PAX5: variants seen among roughly 807,000 people sequenced by gnomAD.
PAX5 encodes the protein paired box protein Pax-5.
A neutral mutation model predicts 43.7 loss-of-function variants in PAX5; 9 were observed. The ratio of observed to expected loss-of-function variants is 0.21; its 90% CI spans 0.12 to 0.36. PAX5 has a LOEUF of 0.36. Among genes scored for constraint, PAX5 ranks in the 10% least tolerant of loss-of-function variants. The probability of loss-of-function intolerance (pLI) is 1.00; values close to 1 mark genes in which losing one functional copy is unlikely to be tolerated. For synonymous variants in PAX5, 228 were observed against 214.3 expected (o/e 1.06, Z -0.56); for missense variants, 383 against 532.7 (o/e 0.72, Z 2.77).
chr9:36,941,704 G>A (rs772302553), intron 6 of PAX5, among the ~76,000 whole-genome samples: 103 of 150,660 alleles, frequency 6.8e-4, no homozygotes, highest in Non-Finnish European at 1.3e-3. Flanking sequence ...CCCTGGGGAG[G>A]CAAACTTGGT....
chr9:36,966,847 AC>A, intron 5 of PAX5, 123 bp from the exon 6 acceptor site: 1 of 816,442 alleles, frequency 1.2e-6, no homozygotes. Context: ...CAGAGAATAC[AC>A]CAGCAGGGGC....
intron 5 of PAX5, among the ~76,000 whole-genome samples, chr9:36,975,977 T>C (rs1007275832): frequency 6.6e-6 from 1 of 152,222 alleles, no homozygotes; most frequent in Non-Finnish European, 1.5e-5. Context: ...CTTGAGGGCT[T>C]GCAGGGCTGT....
chr9:36,935,597 G>A (rs565417509), intron 6 of PAX5, among the ~76,000 whole-genome samples: 3 of 152,272 alleles, frequency 2.0e-5, no homozygotes, highest in Admixed American at 6.5e-5. Context: ...ACTTCTGTCC[G>A]AGAGCAACTT....
chr9:37,033,911 G>T, intron 1 of PAX5, 75 bp downstream of exon 1: 3 of 1,405,502 alleles, frequency 2.1e-6, no homozygotes, highest in East Asian at 2.3e-5. Flanking sequence ...CCTCCTCCAG[G>T]GTCACCCTGC....
Position 36,835,340 on chromosome 9 carries a change from G to T in PAX5, c.*5220C>A. The T allele has an allele frequency of 4.3e-6, 1 of 232,984 alleles. No homozygotes were observed. The allele number at this position is 232,984 out of a possible 1,614,324, so 14.4% of individuals were successfully genotyped here. On this transcript the variant is annotated 3_prime_UTR_variant, in exon 10 of 10. Transcript: ENST00000358127. Reference sequence around the variant, plus strand: ...TTACCAGAAAAGGAAAGACAGGCTGGTGCCTGCCTGCTCCTGGCCGGCAGC... The same window carrying T: ...TTACCAGAAAAGGAAAGACAGGCTGTTGCCTGCCTGCTCCTGGCCGGCAGC...
intron 1 of PAX5, among the ~76,000 whole-genome samples, chr9:37,024,803 G>A (rs1235132638): frequency 6.6e-6 from 1 of 152,224 alleles, no homozygotes; most frequent in Non-Finnish European, 1.5e-5. Flanking sequence ...GAGACCACCA[G>A]GTCTGATGCT....
At chr9:36,962,452 C>T (rs941346942) in intron 6 of PAX5, among the ~76,000 whole-genome samples, 3 of 152,092 alleles carry the variant, frequency 2.0e-5, no homozygotes, top group Admixed American at 6.5e-5. Flanking sequence ...ATGGGGCTCC[C>T]GAATCATGCC....
chr9:36,937,420 G>C (rs558936832), intron 6 of PAX5, among the ~76,000 whole-genome samples: 1 of 152,340 alleles, frequency 6.6e-6, no homozygotes, highest in Non-Finnish European at 1.5e-5. Flanking sequence ...AGTTGCAGAT[G>C]AGAACACTGA....
chr9:36,978,570 CT>C (rs951218928), intron 5 of PAX5, among the ~76,000 whole-genome samples: 5 of 151,996 alleles, frequency 3.3e-5, no homozygotes, highest in African/African-American at 7.3e-5. Flanking sequence ...TGCATTACCC[CT>C]ATTTGAGTTT....
At chr9:37,026,537 C>G in intron 1 of PAX5, 1 of 1,330,304 alleles carries the variant, frequency 7.5e-7, no homozygotes, top group Non-Finnish European at 9.9e-7. Context: ...ACTTACTATG[C>G]ATGGATGCAA....
chr9:37,004,550 C>T (rs547881421), intron 4 of PAX5, among the ~76,000 whole-genome samples: 9 of 152,220 alleles, frequency 5.9e-5, no homozygotes, highest in Non-Finnish European at 1.3e-4. Context: ...GGGAGCCATG[C>T]CTTTCTTCTC....
At chr9:37,010,106 C>G (rs1838799205) in intron 3 of PAX5, among the ~76,000 whole-genome samples, 1 of 152,202 alleles carries the variant, frequency 6.6e-6, no homozygotes, top group South Asian at 2.1e-4. Context: ...CATAACAACT[C>G]TAAACAAATT....
At position 36,958,161 on chromosome 9, in the gene PAX5, G is replaced by T. The variant is rs10973141; in HGVS notation, c.780+8388C>A. On this transcript the variant is annotated intron_variant, in intron 6 of 9. Transcript: ENST00000358127. ...GAAATGCACTGATTAGCATGTGGGC[G>T]TCATACTCATCCATAAGACAAGCTC... is the stretch of plus-strand genomic sequence containing the variant. Among the ~76,000 whole-genome samples the T allele has an allele frequency of 2.0e-5, 3 of 152,118 alleles. No homozygotes were observed. The South Asian group carries it at 6.2e-4, about 32-fold the overall frequency.
At chr9:37,019,057 T>G (rs913033935) in intron 2 of PAX5, among the ~76,000 whole-genome samples, 6 of 152,096 alleles carry the variant, frequency 3.9e-5, no homozygotes, top group African/African-American at 1.4e-4. Flanking sequence ...ATGAAGAGGC[T>G]CCACAAAAAG....
At chr9:36,937,650 G>A (rs1475612957) in intron 6 of PAX5, among the ~76,000 whole-genome samples, 3 of 152,200 alleles carry the variant, frequency 2.0e-5, no homozygotes, top group East Asian at 1.9e-4. Context: ...TGCTTTCCCC[G>A]CCGGGCGCCC....
At chr9:36,890,436 T>C (rs1323796465) in intron 7 of PAX5, among the ~76,000 whole-genome samples, 1 of 152,196 alleles carries the variant, frequency 6.6e-6, no homozygotes, top group Non-Finnish European at 1.5e-5. Flanking sequence ...CTTTGCGAAC[T>C]GGCAACTCTG....
intron 5 of PAX5, among the ~76,000 whole-genome samples, chr9:36,983,422 C>A (rs1836104286): frequency 6.6e-6 from 1 of 152,182 alleles, no homozygotes; most frequent in African/African-American, 2.4e-5. Flanking sequence ...CATGTCTGAG[C>A]ATTTACATAA....
chr9:37,020,939 T>C (rs1839798350), intron 1 of PAX5, 138 bp from the exon 2 acceptor site: 2 of 781,022 alleles, frequency 2.6e-6, no homozygotes, highest in Non-Finnish European at 2.1e-6. Flanking sequence ...TGGAGTCCAA[T>C]CGTGCAAACT....
intron 1 of PAX5, among the ~76,000 whole-genome samples, chr9:37,029,952 C>T (rs2132561477): frequency 6.6e-6 from 1 of 152,298 alleles, no homozygotes; most frequent in Non-Finnish European, 1.5e-5. Flanking sequence ...TCCAGAGCCG[C>T]TCTCGGGATG....
Sources: gnomAD v4.1 joint callset for allele counts (sites outside exome capture counted in the v4.1 genomes callset) on GRCh38, gnomAD v4.1.1 for gene constraint, MANE v1.5 for transcripts, NCBI Gene and HGNC (gene_info 2026-07-23, HGNC 2026-07-21) for gene names.